The following PCDHA7 variants were observed in gnomAD, a reference collection of about 807,000 sequenced individuals.
PCDHA7 encodes protocadherin alpha 7.
Under a neutral mutation model 57.2 loss-of-function variants are expected in PCDHA7, and 37 were observed. The observed-to-expected ratio is 0.65, with a 90% CI of 0.50 to 0.85. PCDHA7 has a LOEUF of 0.85. PCDHA7 is among the 40% of genes least tolerant of loss of function. The pLI is 0.00. For synonymous variants in PCDHA7, 553 were observed against 558.8 expected (o/e 0.99, Z 0.15); for missense variants, 1,188 against 1,241.8 (o/e 0.96, Z 0.65).
At chr5:140,912,312 T>C (rs2075860793) in intron 1 of PCDHA7, among the ~76,000 whole-genome samples, 1 of 151,960 alleles carries the variant, frequency 6.6e-6, no homozygotes, top group African/African-American at 2.4e-5. Flanking sequence ...TCCAGTCAAG[T>C]TGACCCTCAG....
At position 140,836,827 on chromosome 5, in the gene PCDHA7, G is replaced by T; in HGVS notation, c.2355+89G>T. The T allele has an allele frequency of 4.1e-6, 4 of 968,068 alleles. No individual in the cohort carries two copies. In the South Asian group the frequency reaches 7.2e-5, roughly 17 times the overall value. 60.0% of individuals were successfully genotyped at this position (968,068 alleles called of 1,614,324 possible). A position where few individuals can be genotyped will look rare whatever the true frequency, so the allele number is the denominator to read the frequency against. On this transcript the variant is annotated intron_variant, in intron 1 of 3. Transcript: ENST00000525929. ...ATTTTCTTTCATAATTTCTTTTTTA[G>T]TTGATAGCTTTATGTATAATTATTA...
At chr5:140,882,050 T>TA (rs1260382802) in intron 1 of PCDHA7, 7 of 756,632 alleles carry the variant, frequency 9.3e-6, no homozygotes, top group African/African-American at 3.5e-5. Context: ...GAGTCATACT[T>TA]ACACTTACAC....
chr5:140,842,949 C>G lies in PCDHA7; in HGVS notation c.2355+6211C>G, dbSNP rs6889154. On this transcript the variant is annotated intron_variant, in intron 1 of 3. Coordinates refer to ENST00000525929, the MANE Select transcript of PCDHA7 (RefSeq NM_018910.3). ...GTGAGCGCGCGCGACGCGGGCGTGC[C>G]GCCTCTGGGCAGCAACGTGACGCTG... 8 of 1,594,550 alleles carry G rather than the reference C, an allele frequency of 5.0e-6. 1 individual carries two copies. The highest frequency in any genetic ancestry group is 1.3e-5 in the African/African-American group (1 of 74,346).
intron 1 of PCDHA7, among the ~76,000 whole-genome samples, chr5:140,937,785 G>A (rs962276976): frequency 7.3e-5 from 11 of 150,436 alleles, no homozygotes; most frequent in Non-Finnish European, 1.3e-4. Flanking sequence ...GGTGGCGGGC[G>A]TATGTAGTCC....
At chr5:140,850,634 C>T (rs2150491694) in intron 1 of PCDHA7, 2 of 1,598,662 alleles carry the variant, frequency 1.3e-6, no homozygotes, top group South Asian at 1.1e-5. Flanking sequence ...TGTTGGTTCT[C>T]ACGCTGCTGC....
chr5:141,003,151 C>T (rs1554258934), intron 3 of PCDHA7, among the ~76,000 whole-genome samples: 2 of 152,224 alleles, frequency 1.3e-5, no homozygotes, highest in African/African-American at 2.4e-5. Flanking sequence ...AGACTCTGAC[C>T]TGATCAATCC....
intron 1 of PCDHA7, chr5:140,842,702 A>G (rs1554139288): frequency 2.5e-6 from 4 of 1,595,028 alleles, no homozygotes; most frequent in Non-Finnish European, 1.7e-6. Flanking sequence ...GCCCGAGTAC[A>G]CGGTGTTCGT....
At chr5:140,920,503 A>G (rs1411233164) in intron 1 of PCDHA7, among the ~76,000 whole-genome samples, 1 of 152,126 alleles carries the variant, frequency 6.6e-6, no homozygotes, top group Non-Finnish European at 1.5e-5. Flanking sequence ...AGTTCTACAT[A>G]CTGTTTTATG....
intron 1 of PCDHA7, among the ~76,000 whole-genome samples, chr5:140,894,202 A>G (rs1554185980): frequency 6.6e-6 from 1 of 152,034 alleles, no homozygotes. Context: ...TTTCTATGCT[A>G]TTATATTCTC....
In PCDHA7 at chr5:140,836,625, T is replaced by C; in HGVS notation, c.2242T>C (p.Trp748Arg). 1 of 1,613,558 alleles carries C rather than the reference T, an allele frequency of 6.2e-7. No individual in the cohort carries two copies. Among genetic ancestry groups the C allele is most frequent in the Non-Finnish European group, 8.5e-7 (1 of 1,179,744 alleles). Residue 748 changes from tryptophan to arginine, a missense_variant, in exon 1 of 4, where the codon TGG (tryptophan) becomes CGG (arginine). Physicochemically the swap from Trp to Arg is moderately radical, Grantham distance 101. Coordinates refer to ENST00000525929, the MANE Select transcript of PCDHA7 (RefSeq NM_018910.3). ...TLVCSSAVGS[W>R]SFSQQRRQRV... ...GGTGTGCTCCAGCGCGGTGGGGAGC[T>C]GGTCATTCTCCCAGCAGAGGCGGCA...
rs2150272334 is a variant in PCDHA7 at position 140,837,015 on chromosome 5, T to C, written c.2355+277T>C. On this transcript the variant is annotated intron_variant, in intron 1 of 3. Coordinates refer to ENST00000525929, the MANE Select transcript of PCDHA7 (RefSeq NM_018910.3). ...GCTAACTGGAGCAATGGATTCACCT[T>C]TCTTCTATAGTGTATTTACAAAATC... The C allele has an allele frequency of 2.4e-4, 72 of 298,058 alleles. 1 individual carries two copies. In the East Asian group the frequency reaches 3.4e-3, roughly 14 times the overall value. The allele number at this position is 298,058 out of a possible 1,614,324, so 18.5% of individuals were successfully genotyped here.
At chr5:140,907,416 T>C (rs1209334366) in intron 1 of PCDHA7, among the ~76,000 whole-genome samples, 1 of 152,206 alleles carries the variant, frequency 6.6e-6, no homozygotes, top group East Asian at 1.9e-4. Flanking sequence ...ACCACGATGG[T>C]GGATAAGGCA....
At chr5:140,882,491 C>T (rs782462724) in intron 1 of PCDHA7, 1 of 1,614,078 alleles carries the variant, frequency 6.2e-7, no homozygotes, top group South Asian at 1.1e-5. Flanking sequence ...CGGGGACCTT[C>T]TGGAGGTAAA....
At chr5:140,969,598 T>C in intron 1 of PCDHA7, 1 of 790,872 alleles carries the variant, frequency 1.3e-6, no homozygotes, top group Non-Finnish European at 1.9e-6. Context: ...TAATATTTAA[T>C]GCTAAAACAC....
At chr5:140,897,803 C>G (rs1285512803) in intron 1 of PCDHA7, among the ~76,000 whole-genome samples, 1 of 152,130 alleles carries the variant, frequency 6.6e-6, no homozygotes, top group Non-Finnish European at 1.5e-5. Context: ...AGAGTCCCAC[C>G]AACAGTGTAA....
intron 1 of PCDHA7, chr5:140,867,796 C>A (rs1477266622): frequency 4.6e-5 from 7 of 152,060 alleles, no homozygotes; most frequent in African/African-American, 1.7e-4. Context: ...TTTTACTTAG[C>A]ATTTTCTATG....
In PCDHA7 at chr5:141,011,633, G is replaced by A. The variant is rs988824031; in HGVS notation, c.*1696G>A. ...TTATGGTCCAGCCAAGAGCCATCTC[G>A]TGCCAAGACTTCTGCTGGCAAGGGA... is the stretch of plus-strand genomic sequence containing the variant. On this transcript the variant is annotated 3_prime_UTR_variant, in exon 4 of 4. Transcript: ENST00000525929. The A allele has an allele frequency of 6.5e-6, 1 of 153,624 alleles. No homozygotes were observed. Among genetic ancestry groups the A allele is most frequent in the Non-Finnish European group, 1.5e-5 (1 of 68,022 alleles). The allele number at this position is 153,624 out of a possible 1,614,324, so 9.5% of individuals were successfully genotyped here. A position where few individuals can be genotyped will look rare whatever the true frequency, so the allele number is the denominator to read the frequency against.
chr5:140,841,798 T>C (rs1554138538), intron 1 of PCDHA7: 2 of 1,613,930 alleles, frequency 1.2e-6, no homozygotes, highest in East Asian at 2.2e-5. Flanking sequence ...GCGCGTCCGA[T>C]GCAGATGTTG....
At chr5:140,855,951 G>A (rs923077189) in intron 1 of PCDHA7, 2 of 1,372,088 alleles carry the variant, frequency 1.5e-6, no homozygotes, top group South Asian at 1.4e-5. Context: ...CAGCCATTTC[G>A]ATAAAAAATA....
Sources: gnomAD v4.1 joint callset for allele counts (sites outside exome capture counted in the v4.1 genomes callset) on GRCh38, gnomAD v4.1.1 for gene constraint, MANE v1.5 for transcripts, NCBI Gene and HGNC (gene_info 2026-07-23, HGNC 2026-07-21) for gene names.